Variants in MPPED2 observed in about 807,000 individuals in gnomAD.
The protein encoded by MPPED2 is metallophosphoesterase domain containing 2, also known as metallophosphoesterase MPPED2.
MPPED2 carries 5 observed loss-of-function variants against 33.0 expected under a neutral mutation model. The ratio of observed to expected loss-of-function variants is 0.15; its 90% confidence interval spans 0.08 to 0.32. MPPED2 has a LOEUF of 0.32. MPPED2 is among the 10% of genes least tolerant of loss of function. The pLI, the probability that MPPED2 is intolerant of heterozygous loss-of-function variation, is 1.00. For missense variants in MPPED2, 275 were observed against 372.1 expected, an observed-to-expected ratio of 0.74 and a Z score of 2.15; for synonymous variants, 136 against 141.9, an observed-to-expected ratio of 0.96 and a Z score of 0.29.
At chr11:30,474,268 G>T (rs1347729056) in intron 4 of MPPED2, among the ~76,000 whole-genome samples, 1 of 152,060 alleles carries the variant, frequency 6.6e-6, no homozygotes, top group Admixed American at 6.6e-5. Context: ...CATGGTCCTT[G>T]GAAAAAGAGG....
intron 6 of MPPED2, among the ~76,000 whole-genome samples, chr11:30,402,275 T>G (rs1341944724): frequency 6.6e-6 from 1 of 152,216 alleles, no homozygotes; most frequent in Non-Finnish European, 1.5e-5. Context: ...TTCATATCAA[T>G]AAATTGAATA....
chr11:30,468,715 C>CT (rs1950825208), intron 4 of MPPED2, among the ~76,000 whole-genome samples: 1 of 152,194 alleles, frequency 6.6e-6, no homozygotes, highest in African/African-American at 2.4e-5. Context: ...ACCAGGAACT[C>CT]TGTTCACCAA....
chr11:30,556,296 A>G (rs567088839), intron 2 of MPPED2, among the ~76,000 whole-genome samples: 1 of 152,120 alleles, frequency 6.6e-6, no homozygotes, highest in African/African-American at 2.4e-5. Context: ...TCTTAACCCA[A>G]TATGCTCTTC....
At chr11:30,491,971 G>T (rs1216798502) in intron 4 of MPPED2, among the ~76,000 whole-genome samples, 4 of 152,148 alleles carry the variant, frequency 2.6e-5, no homozygotes, top group Admixed American at 2.0e-4. Flanking sequence ...ATGCTCAATA[G>T]GAAATGGTTG....
intron 4 of MPPED2, among the ~76,000 whole-genome samples, chr11:30,452,896 A>G (rs1032425686): frequency 3.3e-5 from 5 of 152,026 alleles, no homozygotes; most frequent in African/African-American, 1.2e-4. Flanking sequence ...AAAAAAAAAG[A>G]GCCTTGGTGG....
At chr11:30,499,563 T>C (rs1273421035) in intron 3 of MPPED2, among the ~76,000 whole-genome samples, 1 of 152,170 alleles carries the variant, frequency 6.6e-6, no homozygotes, top group Non-Finnish European at 1.5e-5. Context: ...GCATCTCCTC[T>C]CTTTGATATT....
intron 4 of MPPED2, among the ~76,000 whole-genome samples, chr11:30,418,854 T>C (rs1182750749): frequency 6.6e-6 from 1 of 152,214 alleles, no homozygotes; most frequent in Non-Finnish European, 1.5e-5. Flanking sequence ...AGCTTTCATT[T>C]GGTGGTGGAC....
intron 3 of MPPED2, among the ~76,000 whole-genome samples, chr11:30,511,695 CA>C (rs1953204708): frequency 6.6e-6 from 1 of 152,300 alleles, no homozygotes; most frequent in African/African-American, 2.4e-5. Flanking sequence ...TTGTAAATCT[CA>C]ATTTTCATTA....
At chr11:30,581,175 C>T (rs1300347974) in intron 1 of MPPED2, among the ~76,000 whole-genome samples, 1 of 152,098 alleles carries the variant, frequency 6.6e-6, no homozygotes, top group Non-Finnish European at 1.5e-5. Flanking sequence ...GAAAACCAAA[C>T]ACCTCCAGGT....
chr11:30,550,643 C>G (rs890913392), intron 2 of MPPED2, among the ~76,000 whole-genome samples: 1 of 152,080 alleles, frequency 6.6e-6, no homozygotes, highest in African/African-American at 2.4e-5. Context: ...TTCCATTCTC[C>G]TCTCATTCCG....
At chr11:30,483,153 T>C (rs1217507004) in intron 4 of MPPED2, among the ~76,000 whole-genome samples, 2 of 152,188 alleles carry the variant, frequency 1.3e-5, no homozygotes, top group Non-Finnish European at 2.9e-5. Context: ...GACCCAGCAT[T>C]GTACACACAC....
chr11:30,571,323 A>G, intron 2 of MPPED2, among the ~76,000 whole-genome samples: 1 of 152,060 alleles, frequency 6.6e-6, no homozygotes, highest in East Asian at 1.9e-4. Context: ...TGTCCCTTCT[A>G]CAGGGACAGA....
At chr11:30,573,896 G>T (rs577721880) in intron 2 of MPPED2, among the ~76,000 whole-genome samples, 2 of 152,206 alleles carry the variant, frequency 1.3e-5, no homozygotes, top group East Asian at 3.9e-4. Context: ...TACAAAAGCA[G>T]CTTATAGAAT....
At chr11:30,444,387 A>G (rs975131752) in intron 4 of MPPED2, among the ~76,000 whole-genome samples, 1 of 152,212 alleles carries the variant, frequency 6.6e-6, no homozygotes, top group Admixed American at 6.5e-5. Flanking sequence ...GAAGGAGTCC[A>G]TAACAGGACT....
intron 4 of MPPED2, among the ~76,000 whole-genome samples, chr11:30,470,783 C>A (rs531787334): frequency 1.3e-5 from 2 of 152,256 alleles, no homozygotes; most frequent in East Asian, 3.9e-4. Flanking sequence ...CATTCTTTAT[C>A]CTAACCCTTA....
At chr11:30,509,338 G>A (rs1291635106) in intron 3 of MPPED2, among the ~76,000 whole-genome samples, 4 of 152,102 alleles carry the variant, frequency 2.6e-5, no homozygotes. Context: ...AAAAGAGAAG[G>A]GAATTATTGC....
At chr11:30,471,066 T>C (rs1471991944) in intron 4 of MPPED2, among the ~76,000 whole-genome samples, 1 of 152,216 alleles carries the variant, frequency 6.6e-6, no homozygotes, top group Non-Finnish European at 1.5e-5. Flanking sequence ...GAGAATCATT[T>C]AATATTAGCC....
chr11:30,569,327 T>G (rs1956592166), intron 2 of MPPED2, among the ~76,000 whole-genome samples: 2 of 152,300 alleles, frequency 1.3e-5, no homozygotes, highest in South Asian at 4.1e-4. Context: ...ACCCAAGCCT[T>G]TACATGTATT....
intron 3 of MPPED2, among the ~76,000 whole-genome samples, chr11:30,506,354 AT>A (rs1952827799): frequency 6.6e-6 from 1 of 152,046 alleles, no homozygotes; most frequent in Admixed American, 6.6e-5. Flanking sequence ...TATTACTGTT[AT>A]TTTTATCCTG....
Sources: allele counts gnomAD v4.1 joint callset (sites outside exome capture counted in the v4.1 genomes callset), GRCh38; gene constraint gnomAD v4.1.1; transcripts MANE v1.5; gene names NCBI Gene and HGNC (gene_info 2026-07-23, HGNC 2026-07-21).